SDK1: variants seen among roughly 807,000 people sequenced by gnomAD.
SDK1 encodes protein sidekick-1.
SDK1 carries 157 observed loss-of-function variants against 245.5 expected under a neutral mutation model. That is an observed-to-expected ratio of 0.64 (90% CI 0.56 to 0.73). The LOEUF (loss-of-function observed/expected upper bound fraction) is 0.73. Among genes scored for constraint, SDK1 ranks in the 30% least tolerant of loss-of-function variants. The pLI, the probability that SDK1 is intolerant of heterozygous loss-of-function variation, is 0.00. For synonymous variants in SDK1, 1,647 were observed against 1,278.5 expected, an observed-to-expected ratio of 1.29 and a Z score of -6.15; for missense variants, 3,583 against 3,002.3, an observed-to-expected ratio of 1.19 and a Z score of -4.52.
chr7:4,162,353 G>T (rs1268962564), intron 32 of SDK1, among the ~76,000 whole-genome samples: 3 of 118,856 alleles, frequency 2.5e-5, no homozygotes, highest in African/African-American at 8.8e-5. Flanking sequence ...TGGTGGTGGT[G>T]GTGGTTGTTG....
At chr7:3,965,483 AG>A (rs1323561228) in intron 9 of SDK1, among the ~76,000 whole-genome samples, 4 of 152,156 alleles carry the variant, frequency 2.6e-5, no homozygotes, top group African/African-American at 9.7e-5. Flanking sequence ...TTGTAGTAGG[AG>A]GTTTTTTGCA....
At chr7:4,118,763 G>T (rs1205304390) in intron 25 of SDK1, among the ~76,000 whole-genome samples, 1 of 149,080 alleles carries the variant, frequency 6.7e-6, no homozygotes, top group Non-Finnish European at 1.5e-5. Context: ...ATGGAATTCT[G>T]ATACATGCTA....
chr7:3,816,405 A>T (rs1366270327), intron 4 of SDK1, among the ~76,000 whole-genome samples: 1 of 148,616 alleles, frequency 6.7e-6, no homozygotes, highest in East Asian at 2.0e-4. Context: ...AAAAAATGAT[A>T]AAGGGGATAT....
chr7:3,842,647 C>T (rs1487952936), intron 5 of SDK1, among the ~76,000 whole-genome samples: 1 of 152,092 alleles, frequency 6.6e-6, no homozygotes, highest in African/African-American at 2.4e-5. Flanking sequence ...GACGAACAAT[C>T]GTGAGTCCAC....
At chr7:4,162,697 G>C (rs191360313) in intron 32 of SDK1, among the ~76,000 whole-genome samples, 5 of 152,250 alleles carry the variant, frequency 3.3e-5, no homozygotes, top group Admixed American at 3.3e-4. Context: ...ACTGTGCCCA[G>C]CCAAGTCTAG....
intron 38 of SDK1, among the ~76,000 whole-genome samples, chr7:4,216,077 A>G (rs893922653): frequency 6.6e-6 from 1 of 152,132 alleles, no homozygotes; most frequent in African/African-American, 2.4e-5. Context: ...GGAAGCACTC[A>G]TCCTGGCAGC....
chr7:3,882,277 A>G (rs1781226990), intron 5 of SDK1, among the ~76,000 whole-genome samples: 2 of 152,176 alleles, frequency 1.3e-5, no homozygotes, highest in Non-Finnish European at 2.9e-5. Flanking sequence ...CAGCCCAACC[A>G]TATCACCAGG....
At chr7:3,834,772 G>A (rs796072011) in intron 5 of SDK1, among the ~76,000 whole-genome samples, 24 of 152,308 alleles carry the variant, frequency 1.6e-4, no homozygotes, top group African/African-American at 5.5e-4. Flanking sequence ...CAAGCCACGG[G>A]AAGAGTGCAT....
chr7:3,972,946 G>A (rs112895168), intron 12 of SDK1, among the ~76,000 whole-genome samples: 48 of 152,292 alleles, frequency 3.2e-4, no homozygotes, highest in African/African-American at 1.0e-3. Flanking sequence ...GGAGACGGTC[G>A]TCAGGCCTCG....
chr7:3,491,778 T>C (rs1169261285), intron 1 of SDK1, among the ~76,000 whole-genome samples: 2 of 152,236 alleles, frequency 1.3e-5, no homozygotes, highest in African/African-American at 4.8e-5. Flanking sequence ...ACAAATTTCG[T>C]TGGCAAGACA....
chr7:3,984,720 C>A (rs926755835), intron 13 of SDK1, among the ~76,000 whole-genome samples: 4 of 152,176 alleles, frequency 2.6e-5, no homozygotes, highest in Admixed American at 6.5e-5. Flanking sequence ...GAGCCTCTAA[C>A]CCACCTTTAG....
intron 1 of SDK1, among the ~76,000 whole-genome samples, chr7:3,470,712 C>T (rs555827867): frequency 6.6e-6 from 1 of 152,082 alleles, no homozygotes. Flanking sequence ...AAATAGGGTG[C>T]CAGCAGGAGA....
intron 4 of SDK1, among the ~76,000 whole-genome samples, chr7:3,777,613 C>G (rs943990976): frequency 2.0e-5 from 3 of 152,170 alleles, no homozygotes; most frequent in Non-Finnish European, 2.9e-5. Context: ...ACAGTGTCCC[C>G]TCTTAGCTAC....
At chr7:3,588,565 T>A (rs966546845) in intron 1 of SDK1, among the ~76,000 whole-genome samples, 3 of 152,190 alleles carry the variant, frequency 2.0e-5, no homozygotes, top group Admixed American at 6.5e-5. Flanking sequence ...GGTGCGTTCC[T>A]AGATTCATTG....
Position 3,705,978 on chromosome 7 carries a change from G to T in SDK1, c.713+63873G>T, listed in dbSNP as rs76113466. 5.5e-3 allele frequency among the ~76,000 whole-genome samples: 830 copies of T among 152,160 alleles called. 6 individuals are homozygous for T. The highest frequency in any genetic ancestry group is 0.019 in the African/African-American group (781 of 41,498). On this transcript the variant is annotated intron_variant, in intron 4 of 44. Transcript: ENST00000404826. ...TTTGTTGAGGGTTTTTATAATAAAG[G>T]GATGCTAGATTTTATCGAATGTCTT...
At chr7:3,574,321 T>G (rs2128630528) in intron 1 of SDK1, among the ~76,000 whole-genome samples, 1 of 152,092 alleles carries the variant, frequency 6.6e-6, no homozygotes, top group South Asian at 2.1e-4. Context: ...TTTCACCATG[T>G]TGGCCAGGCT....
chr7:3,778,048 G>T lies in SDK1; in HGVS notation c.714-43402G>T, dbSNP rs553720686. Among the ~76,000 whole-genome samples, 4 of 152,264 alleles carry T rather than the reference G, an allele frequency of 2.6e-5. No homozygotes were observed. The South Asian group carries it at 8.3e-4, about 32-fold the overall frequency. On this transcript the variant is annotated intron_variant, in intron 4 of 44. Coordinates refer to ENST00000404826, the MANE Select transcript of SDK1 (RefSeq NM_152744.4). ...TAGTTTGAAGTTTTTGTTGGTTATT[G>T]TCTTGCCTTCCTTTCTGACAAAGTA... is the stretch of plus-strand genomic sequence containing the variant.
rs79598661 is a variant in SDK1 at position 3,688,069 on chromosome 7, G to A, written c.713+45964G>A. On this transcript the variant is annotated intron_variant, in intron 4 of 44. Transcript: ENST00000404826. ...GGAAAGGATTTTTAATTGCATTTAGGGAAGCCAGTGTACTAAGAGCTGAGA... is the reference window on the plus strand; with the variant it reads ...GGAAAGGATTTTTAATTGCATTTAGAGAAGCCAGTGTACTAAGAGCTGAGA... Among the ~76,000 whole-genome samples, 920 of 152,292 alleles carry A rather than the reference G, an allele frequency of 6.0e-3. 14 individuals carry two copies. Among genetic ancestry groups the A allele is most frequent in the Admixed American group, 0.015 (226 of 15,300 alleles).
At chr7:3,379,803 C>G (rs1030902701) in intron 1 of SDK1, among the ~76,000 whole-genome samples, 1 of 65,944 alleles carries the variant, frequency 1.5e-5, no homozygotes, top group South Asian at 6.7e-4. Flanking sequence ...GTTCCAAAAT[C>G]CAAAACTTCT....
Sources: allele counts gnomAD v4.1 joint callset (sites outside exome capture counted in the v4.1 genomes callset), GRCh38; gene constraint gnomAD v4.1.1; transcripts MANE v1.5; gene names NCBI Gene and HGNC (gene_info 2026-07-23, HGNC 2026-07-21).